COL14A1: variants seen among roughly 807,000 people sequenced by gnomAD.
COL14A1 encodes the protein collagen alpha-1(XIV) chain.
A neutral mutation model predicts 230.3 loss-of-function variants in COL14A1; 136 were observed. That is an observed-to-expected ratio of 0.59 (90% CI 0.51 to 0.68). The LOEUF is 0.68. Ranked by LOEUF, COL14A1 falls within the 30% of genes least tolerant of loss-of-function variation. COL14A1 has a pLI of 0.00. For synonymous variants in COL14A1, 792 were observed against 784.1 expected (o/e 1.01, Z -0.17); for missense variants, 1,976 against 2,215.8 (o/e 0.89, Z 2.17).
chr8:120,130,868 C>CT (rs949146257), intron 1 of COL14A1, among the ~76,000 whole-genome samples: 7 of 151,984 alleles, frequency 4.6e-5, no homozygotes, highest in South Asian at 4.2e-4. Flanking sequence ...CCCTCACCCC[C>CT]TTTTTTTTCC....
Position 120,341,321 on chromosome 8 carries a change from A to G in COL14A1, c.4786-4A>G. 6.2e-7 allele frequency: 1 copy of G among 1,614,170 alleles called. No individual in the cohort carries two copies. Among genetic ancestry groups the G allele is most frequent in the Non-Finnish European group, 8.5e-7 (1 of 1,179,994 alleles). ...AGTAACTTGACAATTTTCCATTTAT[A>G]CAGGGTGTCCCTGGAGCAAAGGGGG... On this transcript the variant is annotated splice_region_variant and splice_polypyrimidine_tract_variant and intron_variant, in intron 42 of 47. Transcript: ENST00000297848.
chr8:120,301,003 C>T (rs1382102988), intron 36 of COL14A1, among the ~76,000 whole-genome samples, 185 bp downstream of exon 36: 1 of 152,058 alleles, frequency 6.6e-6, no homozygotes, highest in Non-Finnish European at 1.5e-5. Context: ...CTGGGCTGGG[C>T]TTCAAATCCA....
At chr8:120,148,973 G>T (rs372564121) in intron 2 of COL14A1, among the ~76,000 whole-genome samples, 105 of 152,270 alleles carry the variant, frequency 6.9e-4, no homozygotes, top group African/African-American at 2.2e-3. Context: ...ATTGTCTGTG[G>T]CTACTTTCAT....
At chr8:120,156,482 T>C (rs1480164162) in intron 2 of COL14A1, among the ~76,000 whole-genome samples, 1 of 152,192 alleles carries the variant, frequency 6.6e-6, no homozygotes, top group Non-Finnish European at 1.5e-5. Context: ...GGTGACTTCT[T>C]AATATGAATC....
chr8:120,189,099 T>C (rs576589677), intron 5 of COL14A1, among the ~76,000 whole-genome samples: 2 of 152,356 alleles, frequency 1.3e-5, no homozygotes, highest in African/African-American at 4.8e-5. Context: ...AGATTCACTG[T>C]AACAGCTGGA....
rs1163169409 is a variant in COL14A1, at chr8:120,371,504, T to A, written c.*273T>A. Reference sequence around the variant, plus strand: ...AATTTGTTTTTCCAGAGAAGAGAGCTCAAAGAGGAATTGGGAAAAATAAAT... The same window carrying A: ...AATTTGTTTTTCCAGAGAAGAGAGCACAAAGAGGAATTGGGAAAAATAAAT... On this transcript the variant is annotated 3_prime_UTR_variant, in exon 48 of 48. Coordinates refer to ENST00000297848, the MANE Select transcript of COL14A1 (RefSeq NM_021110.4). 2.5e-6 allele frequency: 1 copy of A among 396,786 alleles called. No homozygotes were observed. The highest frequency in any genetic ancestry group is 4.4e-6 in the Non-Finnish European group (1 of 225,396). The allele number at this position is 396,786 out of a possible 1,614,324, so 24.6% of individuals were successfully genotyped here.
In COL14A1 at chr8:120,345,532, T is replaced by G; in HGVS notation, c.5046T>G (p.Asn1682Lys). 13 of 1,568,328 alleles carry G rather than the reference T, an allele frequency of 8.3e-6. No individual in the cohort carries two copies. The highest frequency in any genetic ancestry group is 1.0e-5 in the Non-Finnish European group (12 of 1,163,510). ...CAGGCACACCAGGCTTCCCCGGAAA[T>G]GCAGGCGTGCCAGGGACCCCAGGAG... ...GPPGTPGFPG[N>K]AGVPGTPGER... is the part of the protein sequence containing the mutation. The change falls in exon 45 of 48, where the codon AAT becomes AAG. Residue 1682 changes from asparagine to lysine, a missense_variant. Asn to Lys is a moderately conservative substitution (Grantham distance 94, BLOSUM62 0). Transcript: ENST00000297848.
intron 31 of COL14A1, 123 bp downstream of exon 31, chr8:120,281,182 G>GAAA: frequency 1.2e-6 from 1 of 855,488 alleles, no homozygotes; most frequent in Non-Finnish European, 1.7e-6. Context: ...ATTTAGAGTA[G>GAAA]AAGATATTTA....
At chr8:120,355,177 A>G (rs1020438638) in intron 45 of COL14A1, among the ~76,000 whole-genome samples, 3 of 152,052 alleles carry the variant, frequency 2.0e-5, no homozygotes, top group Non-Finnish European at 2.9e-5. Flanking sequence ...GTGATTCCAA[A>G]CCAGATTTCC....
rs115319150 is a variant in COL14A1 at position 120,149,755 on chromosome 8, C to G, written c.88+1825C>G. The stretch of plus-strand genomic sequence containing the variant: ...CAGGCTGGAGTGCAATGGCAAATGG[C>G]GCAGTCTCGGCTAACTGCAACCTCT... On this transcript the variant is annotated intron_variant, in intron 2 of 47. Transcript: ENST00000297848. Among the ~76,000 whole-genome samples the G allele has an allele frequency of 7.8e-3, 1,163 of 148,324 alleles. 19 individuals carry two copies. Among genetic ancestry groups the G allele is most frequent in the African/African-American group, 0.028 (1,105 of 40,064 alleles).
Position 120,255,353 on chromosome 8 carries a change from C to T in COL14A1, c.2866C>T (p.Gln956Ter). The stretch of plus-strand genomic sequence containing the variant: ...CTATAGGGTTGTTATAGAATCCCTC[C>T]AGGGTGAGTACAATCCATCACTTAC... Reference protein sequence around the residue: ...TAYRVVIESLQDRQKQESTVG... With the variant: ...TAYRVVIESL The change falls in exon 23 of 48, where the codon CAG becomes TAG. Residue 956 changes from glutamine to a stop codon, truncating the protein, a stop_gained. Coordinates refer to ENST00000297848, the MANE Select transcript of COL14A1 (RefSeq NM_021110.4). LOFTEE classifies it high-confidence loss of function. The T allele has an allele frequency of 6.2e-7, 1 of 1,603,216 alleles. No homozygotes were observed. The highest frequency in any genetic ancestry group is 8.5e-7 in the Non-Finnish European group (1 of 1,170,080).
At chr8:120,316,288 T>G (rs1008161037) in intron 40 of COL14A1, among the ~76,000 whole-genome samples, 1 of 152,166 alleles carries the variant, frequency 6.6e-6, no homozygotes, top group African/African-American at 2.4e-5. Context: ...GTTTAGTAGA[T>G]TTCTCCAGTT....
At chr8:120,196,395 C>T (rs1051285928) in intron 5 of COL14A1, among the ~76,000 whole-genome samples, 1 of 152,262 alleles carries the variant, frequency 6.6e-6, no homozygotes, top group South Asian at 2.1e-4. Flanking sequence ...ATAGGAGAGC[C>T]GTCTTTTTGC....
intron 2 of COL14A1, among the ~76,000 whole-genome samples, chr8:120,153,236 A>G (rs1200821082): frequency 2.0e-5 from 3 of 152,228 alleles, no homozygotes; most frequent in Non-Finnish European, 4.4e-5. Context: ...TATGTCGCCC[A>G]GGCTGGAGTG....
At chr8:120,284,460 T>C (rs569992823) in intron 32 of COL14A1, among the ~76,000 whole-genome samples, 13 of 152,348 alleles carry the variant, frequency 8.5e-5, no homozygotes, top group African/African-American at 2.6e-4. Context: ...ATCAACTTTT[T>C]GGTTAATATC....
At chr8:120,321,797 T>C (rs1821457630) in intron 40 of COL14A1, among the ~76,000 whole-genome samples, 1 of 152,168 alleles carries the variant, frequency 6.6e-6, no homozygotes, top group Admixed American at 6.5e-5. Context: ...CTAACTTAAG[T>C]CATCAGGTTG....
At chr8:120,292,315 G>C (rs1286893020) in intron 34 of COL14A1, among the ~76,000 whole-genome samples, 1 of 152,110 alleles carries the variant, frequency 6.6e-6, no homozygotes, top group Non-Finnish European at 1.5e-5. Context: ...ACTCTCTGTG[G>C]TTATTTCCAA....
chr8:120,230,554 C>A (rs1483054974), intron 18 of COL14A1, among the ~76,000 whole-genome samples: 1 of 152,062 alleles, frequency 6.6e-6, no homozygotes, highest in African/African-American at 2.4e-5. Flanking sequence ...CCCCGTTTTT[C>A]TCTTGCAATC....
At chr8:120,212,408 ATG>A (rs759469611) in intron 12 of COL14A1, 38 bp from the exon 13 acceptor site, 1 of 1,606,560 alleles carries the variant, frequency 6.2e-7, no homozygotes, top group Non-Finnish European at 8.5e-7. Context: ...CATGAATAAT[ATG>A]TATTGGCAAA....
Sources: allele counts gnomAD v4.1 joint callset (sites outside exome capture counted in the v4.1 genomes callset), GRCh38; gene constraint gnomAD v4.1.1; transcripts MANE v1.5; gene names NCBI Gene and HGNC (gene_info 2026-07-23, HGNC 2026-07-21).